RSPH14: variants seen among roughly 807,000 people sequenced by gnomAD.
The protein encoded by RSPH14 is radial spoke head 14 homolog.
In RSPH14, 20 loss-of-function variants were observed where a neutral mutation model predicts 26.7. The ratio of observed to expected loss-of-function variants is 0.75; its 90% CI spans 0.53 to 1.09. The LOEUF is 1.09. Among genes scored for constraint, RSPH14 ranks in the 50% least tolerant of loss-of-function variants. The probability of loss-of-function intolerance (pLI) is 0.00; values close to 1 mark genes in which losing one functional copy is unlikely to be tolerated. For missense variants in RSPH14, 449 were observed against 457.2 expected, an observed-to-expected ratio of 0.98 and a Z score of 0.16; for synonymous variants, 177 against 189.3, an observed-to-expected ratio of 0.93 and a Z score of 0.53.
chr22:23,106,772 C>A (rs1034677942), intron 4 of RSPH14, among the ~76,000 whole-genome samples: 1 of 152,238 alleles, frequency 6.6e-6, no homozygotes, highest in Admixed American at 6.5e-5. Flanking sequence ...CGAAGGGGCT[C>A]CCCACCACAC....
intron 4 of RSPH14, among the ~76,000 whole-genome samples, chr22:23,067,387 G>A (rs752379614): frequency 7.9e-5 from 12 of 152,166 alleles, no homozygotes; most frequent in Non-Finnish European, 1.8e-4. Context: ...GAGGGCTCAG[G>A]ACAGAGCACC....
the RSPH14 span, among the ~76,000 whole-genome samples, chr22:23,167,460 C>A: frequency 6.6e-6 from 1 of 152,158 alleles, no homozygotes; most frequent in Non-Finnish European, 1.5e-5. Flanking sequence ...GCCTGCCTCC[C>A]CCTCCTCCCA....
intron 4 of RSPH14, among the ~76,000 whole-genome samples, chr22:23,074,122 C>G (rs2068447844): frequency 6.6e-6 from 1 of 152,054 alleles, no homozygotes; most frequent in African/African-American, 2.4e-5. Flanking sequence ...CTCAGTGGGC[C>G]CCAATGAGGC....
intron 3 of RSPH14, among the ~76,000 whole-genome samples, chr22:23,134,570 AAAGG>A (rs1382054344): frequency 6.6e-6 from 1 of 150,926 alleles, no homozygotes; most frequent in Non-Finnish European, 1.5e-5. Flanking sequence ...AAAAAAAAAA[AAAGG>A]AGATGATTGG....
intron 4 of RSPH14, among the ~76,000 whole-genome samples, chr22:23,113,201 A>C (rs1034039132): frequency 1.3e-5 from 2 of 152,196 alleles, no homozygotes; most frequent in South Asian, 4.1e-4. Context: ...ACGTTGGCTA[A>C]ACTGCATCTT....
intron 4 of RSPH14, among the ~76,000 whole-genome samples, chr22:23,110,217 A>C (rs941565732): frequency 5.9e-5 from 9 of 152,082 alleles, no homozygotes; most frequent in Non-Finnish European, 1.5e-5. Flanking sequence ...CAAGCCAGGT[A>C]ACCCCTCTGA....
At chr22:23,096,527 C>T (rs973145846) in intron 4 of RSPH14, 38 of 1,188,424 alleles carry the variant, frequency 3.2e-5, no homozygotes, top group South Asian at 7.3e-5. Flanking sequence ...GGGAACCAGG[C>T]GCAGGCCTGG....
chr22:23,178,039 G>A, the RSPH14 span, among the ~76,000 whole-genome samples: 4 of 152,098 alleles, frequency 2.6e-5, no homozygotes, highest in African/African-American at 7.2e-5. Context: ...GGGCTCAAGC[G>A]ATACTCCTGC....
intron 4 of RSPH14, among the ~76,000 whole-genome samples, chr22:23,108,143 A>G (rs1055360704): frequency 1.2e-4 from 19 of 152,350 alleles, no homozygotes; most frequent in South Asian, 1.0e-3. Flanking sequence ...GGTGGGGAGC[A>G]GCCAGGCAAT....
At chr22:23,092,812 T>C (rs2069020761) in intron 4 of RSPH14, among the ~76,000 whole-genome samples, 1 of 152,188 alleles carries the variant, frequency 6.6e-6, no homozygotes, top group Non-Finnish European at 1.5e-5. Flanking sequence ...TGCCCACCAC[T>C]GGGGACAGAA....
At position 23,091,611 on chromosome 22, in the gene RSPH14, C is replaced by T. The variant is rs572140400; in HGVS notation, c.422-27478G>A. Among the ~76,000 whole-genome samples, 1,328 of 151,856 alleles carry T rather than the reference C, an allele frequency of 8.7e-3. 20 individuals carry two copies. Among genetic ancestry groups the T allele is most frequent in the African/African-American group, 0.03 (1,240 of 41,376 alleles). The stretch of plus-strand genomic sequence containing the variant: ...ACACACACAGGCACCTATGCATACA[C>T]GCATATGCACCGCAATGGACCTGCA... On this transcript the variant is annotated intron_variant, in intron 4 of 6. Coordinates refer to ENST00000216036, the MANE Select transcript of RSPH14 (RefSeq NM_014433.3).
chr22:23,157,499 T>C, the RSPH14 span, among the ~76,000 whole-genome samples: 6 of 152,110 alleles, frequency 3.9e-5, no homozygotes, highest in Non-Finnish European at 5.9e-5. Flanking sequence ...GACTTAGTGA[T>C]CCACCCGCCT....
chr22:23,110,739 G>C (rs974473252), intron 4 of RSPH14, among the ~76,000 whole-genome samples: 37 of 152,358 alleles, frequency 2.4e-4, no homozygotes, highest in African/African-American at 8.7e-4. Flanking sequence ...ACAGCAGTGC[G>C]TCTGCAGAGA....
chr22:23,130,495 A>AG (rs2070330685), intron 4 of RSPH14, among the ~76,000 whole-genome samples: 1 of 3,562 alleles, frequency 2.8e-4, no homozygotes. Flanking sequence ...AGAAGGAAAG[A>AG]AAAAGAAAGA....
At position 23,071,679 on chromosome 22, in the gene RSPH14, C is replaced by T. The variant is rs1484731175; in HGVS notation, c.422-7546G>A. Among the ~76,000 whole-genome samples the T allele has an allele frequency of 6.6e-6, 1 of 152,230 alleles. No individual in the cohort carries two copies. Among genetic ancestry groups the T allele is most frequent in the African/African-American group, 2.4e-5 (1 of 41,460 alleles). Reference sequence around the variant, plus strand: ...CACCGCATAGGGGAAAACGTCTCTACTCGACCAACCCCGCTTGAGTGCAGG... The same window carrying T: ...CACCGCATAGGGGAAAACGTCTCTATTCGACCAACCCCGCTTGAGTGCAGG... On this transcript the variant is annotated intron_variant, in intron 4 of 6. Transcript: ENST00000216036. The surrounding 1 kb of genome is among the most constrained non-coding windows in gnomAD (Gnocchi z 4.1).
intron 3 of RSPH14, among the ~76,000 whole-genome samples, chr22:23,138,525 G>A (rs530512426): frequency 9.2e-5 from 14 of 152,186 alleles, no homozygotes; most frequent in Middle Eastern, 3.4e-3. Flanking sequence ...TCGTGTCACC[G>A]TACTCCAGCC....
the RSPH14 span, among the ~76,000 whole-genome samples, chr22:23,172,082 C>A: frequency 0.031 from 4,694 of 152,288 alleles, 253 homozygotes; most frequent in African/African-American, 0.11. Flanking sequence ...ATAAGACATA[C>A]AAATGGAATC....
At chr22:23,115,574 G>C (rs1282610719) in intron 4 of RSPH14, among the ~76,000 whole-genome samples, 1 of 152,106 alleles carries the variant, frequency 6.6e-6, no homozygotes, top group African/African-American at 2.4e-5. Context: ...CCCCTTCCTA[G>C]AACAGGAAGG....
rs765697663 is a variant in RSPH14, at chr22:23,064,026, G to C, written c.529C>G (p.Leu177Val). 1 of 1,614,208 alleles carries C rather than the reference G, an allele frequency of 6.2e-7. No homozygotes were observed. The highest frequency in any genetic ancestry group is 1.7e-5 in the Admixed American group (1 of 60,032). The change falls in exon 5 of 7, where the codon CTC becomes GTC. Residue 177 changes from leucine (L) to valine (V), a missense_variant. Transcript: ENST00000216036. ...TCGGTGGCATCCTCCTGCAGGCAGA[G>C]GACCAGTGTGTCCAGGATGAACTCC... ...FQEFILDTLV[L>V]CLQEDATEAL...
Sources: allele counts gnomAD v4.1 joint callset (sites outside exome capture counted in the v4.1 genomes callset), GRCh38; gene constraint gnomAD v4.1.1; non-coding constraint Gnocchi (gnomAD v3.1); transcripts MANE v1.5; gene names NCBI Gene and HGNC (gene_info 2026-07-23, HGNC 2026-07-21).